Variants in SORL1 observed in about 807,000 individuals in gnomAD.
SORL1 encodes the protein sortilin related receptor 1, also known as sortilin-related receptor.
A neutral mutation model predicts 273.7 loss-of-function variants in SORL1; 127 were observed. The ratio of observed to expected loss-of-function variants is 0.46; its 90% CI spans 0.40 to 0.54. The LOEUF (loss-of-function observed/expected upper bound fraction) is 0.54, where lower values mean the gene tolerates loss of function less well. Among genes scored for constraint, SORL1 ranks in the 20% least tolerant of loss-of-function variants. The pLI is 0.00. For synonymous variants in SORL1, 1,031 were observed against 1,067.4 expected (o/e 0.97, Z 0.66); for missense variants, 2,494 against 2,846.1 (o/e 0.88, Z 2.81).
At chr11:121,616,858 G>T (rs570821350) in intron 41 of SORL1, among the ~76,000 whole-genome samples, 1 of 152,226 alleles carries the variant, frequency 6.6e-6, no homozygotes, top group South Asian at 2.1e-4. Flanking sequence ...CAAGGTGGCC[G>T]GGATGCAGCT....
rs552422106 is a variant in SORL1, at chr11:121,525,115, A to AT, written c.1596+2127dup. Among the ~76,000 whole-genome samples, 37 of 152,244 alleles carry AT rather than the reference A, an allele frequency of 2.4e-4. No homozygotes were observed. In the East Asian group the frequency reaches 6.7e-3, roughly 28 times the overall value. On this transcript the variant is annotated intron_variant, in intron 11 of 47. Coordinates refer to ENST00000260197, the MANE Select transcript of SORL1 (RefSeq NM_003105.6). Reference sequence around the variant, plus strand: ...GTATCTTTGTGCCCCTCGGTAATCCATCCCACTCTCCAGTCTTGTCCTTGT... The same window carrying AT: ...GTATCTTTGTGCCCCTCGGTAATCCATTCCCACTCTCCAGTCTTGTCCTTGT...
intron 2 of SORL1, among the ~76,000 whole-genome samples, chr11:121,471,620 A>G (rs894978907): frequency 6.6e-6 from 1 of 152,210 alleles, no homozygotes; most frequent in African/African-American, 2.4e-5. Context: ...CACTAGCCTT[A>G]AGGATACATT....
At chr11:121,578,362 T>C (rs748500468) in intron 25 of SORL1, among the ~76,000 whole-genome samples, 3 of 152,248 alleles carry the variant, frequency 2.0e-5, no homozygotes, top group Admixed American at 2.0e-4. Context: ...TATTGGACTT[T>C]TAAATCTCAT....
chr11:121,606,132 AG>A (rs556764758), intron 35 of SORL1, among the ~76,000 whole-genome samples: 17 of 152,284 alleles, frequency 1.1e-4, no homozygotes, highest in Admixed American at 3.3e-4. Context: ...CGTGTTACCT[AG>A]GCTGGTCTTG....
At chr11:121,518,760 C>T (rs1420268126) in intron 8 of SORL1, among the ~76,000 whole-genome samples, 7 of 152,122 alleles carry the variant, frequency 4.6e-5, no homozygotes, top group Admixed American at 4.6e-4. Context: ...TTTGGTGGGG[C>T]TCCTAGTGTT....
chr11:121,526,838 T>C (rs1004087625), intron 11 of SORL1, among the ~76,000 whole-genome samples: 1 of 152,140 alleles, frequency 6.6e-6, no homozygotes, highest in African/African-American at 2.4e-5. Flanking sequence ...GGTTTTTAGA[T>C]TCTATGTAAG....
At position 121,550,468 on chromosome 11, in the gene SORL1, A is replaced by G. The variant is rs1345596400; in HGVS notation, c.2181-117A>G. ...ACGAACATCCTCTTTCTAGTTCTAA[A>G]GAGAAATGAGTGGATGGACTCTACT... is the stretch of plus-strand genomic sequence containing the variant. On this transcript the variant is annotated intron_variant, in intron 15 of 47. Coordinates refer to ENST00000260197, the MANE Select transcript of SORL1 (RefSeq NM_003105.6). The surrounding 1 kb of genome is among the most constrained non-coding windows in gnomAD (Gnocchi z 5.3). 2 of 854,322 alleles carry G rather than the reference A, an allele frequency of 2.3e-6. No homozygotes were observed. Among genetic ancestry groups the G allele is most frequent in the African/African-American group, 1.7e-5 (1 of 60,034 alleles). 52.9% of individuals were successfully genotyped at this position (854,322 alleles called of 1,614,324 possible). A position where few individuals can be genotyped will look rare whatever the true frequency, so the allele number is the denominator to read the frequency against.
At chr11:121,499,706 C>T (rs1861684625) in intron 6 of SORL1, among the ~76,000 whole-genome samples, 1 of 152,190 alleles carries the variant, frequency 6.6e-6, no homozygotes, top group Non-Finnish European at 1.5e-5. Flanking sequence ...ATAATCCCCT[C>T]CCAGTAAGAG....
At chr11:121,574,130 C>T in intron 23 of SORL1, 111 bp from the exon 24 acceptor site, 1 of 1,072,646 alleles carries the variant, frequency 9.3e-7, no homozygotes. Flanking sequence ...TCTGTTGCTA[C>T]AATTAATACC....
chr11:121,627,824 A>G lies in SORL1; in HGVS notation c.6577+57A>G, dbSNP rs1210986254. 1.5e-5 allele frequency: 20 copies of G among 1,294,912 alleles called. No homozygotes were observed. Among genetic ancestry groups the G allele is most frequent in the Non-Finnish European group, 2.2e-5 (20 of 918,052 alleles). The allele number at this position is 1,294,912 out of a possible 1,614,324, so 80.2% of individuals were successfully genotyped here. ...CCCAGGGCTGACCCCCACGCAGCCA[A>G]TGACTTGATTAGGAAACACCCACCT... On this transcript the variant is annotated intron_variant, in intron 47 of 47. Coordinates refer to ENST00000260197, the MANE Select transcript of SORL1 (RefSeq NM_003105.6). This position sits in a 1 kb window ranked among gnomAD's most constrained non-coding sequence, Gnocchi z 4.9.
intron 31 of SORL1, among the ~76,000 whole-genome samples, chr11:121,593,029 T>G (rs1336755014): frequency 2.6e-5 from 4 of 152,222 alleles, no homozygotes; most frequent in Non-Finnish European, 5.9e-5. Context: ...AGTGTAGAAG[T>G]CTTCTAACTG....
At chr11:121,480,966 A>G (rs112317614) in intron 3 of SORL1, among the ~76,000 whole-genome samples, 95 of 47,002 alleles carry the variant, frequency 2.0e-3, no homozygotes, top group South Asian at 3.0e-3. Context: ...CCTATAGGCA[A>G]GCTCCATCTC....
chr11:121,597,384 A>G (rs906628477), intron 32 of SORL1, among the ~76,000 whole-genome samples: 15 of 151,602 alleles, frequency 9.9e-5, no homozygotes, highest in African/African-American at 4.8e-5. Flanking sequence ...TGGCAATACA[A>G]ATTCTTTGTG....
Position 121,570,255 on chromosome 11 carries a change from G to A in SORL1, c.3322G>A (p.Asp1108Asn), listed in dbSNP as rs1298299676. ...DFDNDCGDMS[D>N]ERNCPTTICD... The stretch of plus-strand genomic sequence containing the variant: ...TGACAACGACTGTGGAGACATGAGC[G>A]ATGAGAGAAACTGCCGTGAGTCTTC... Residue 1108 changes from aspartate to asparagine, a missense_variant, in exon 23 of 48, where the codon GAT becomes AAT. Around this residue, in one of 3 missense-constraint regions of SORL1, gnomAD observed 1,609 missense variants for 1,816.4 expected, o/e 0.89. Coordinates refer to ENST00000260197, the MANE Select transcript of SORL1 (RefSeq NM_003105.6). 15 of 1,612,280 alleles carry A rather than the reference G, an allele frequency of 9.3e-6. No individual in the cohort carries two copies. Among genetic ancestry groups the A allele is most frequent in the Non-Finnish European group, 1.2e-5 (14 of 1,178,542 alleles).
intron 30 of SORL1, 102 bp downstream of exon 30, chr11:121,590,276 G>T: frequency 1.6e-6 from 2 of 1,278,074 alleles, no homozygotes; most frequent in Non-Finnish European, 1.1e-6. Context: ...TGTTTTGGGG[G>T]GCATATTTTT....
chr11:121,488,047 G>T lies in SORL1; in HGVS notation c.544G>T (p.Ala182Ser). 1 of 1,614,106 alleles carries T rather than the reference G, an allele frequency of 6.2e-7. No homozygotes were observed. Among genetic ancestry groups the T allele is most frequent in the Non-Finnish European group, 8.5e-7 (1 of 1,180,012 alleles). ...TCCCTTGCAGTACATCTTTGCAGAC[G>T]CTTATGCCCAGTACCTCTGGATCAC... ...ADNKRYIFAD[A>S]YAQYLWITFD... Residue 182 changes from alanine (A) to serine (S), a missense_variant, in exon 4 of 48, where the codon GCT becomes TCT. Physicochemically the swap from Ala to Ser is moderately conservative, Grantham distance 99 (BLOSUM62 1). Around this residue, in one of 3 missense-constraint regions of SORL1, gnomAD observed 710 missense variants for 882.5 expected, o/e 0.80. Coordinates refer to ENST00000260197, the MANE Select transcript of SORL1 (RefSeq NM_003105.6).
intron 9 of SORL1, among the ~76,000 whole-genome samples, chr11:121,522,252 G>A (rs1171237421): frequency 6.6e-6 from 1 of 152,182 alleles, no homozygotes; most frequent in African/African-American, 2.4e-5. Flanking sequence ...CTTTAGTTCT[G>A]AGTCACTTGA....
At chr11:121,622,018 T>C in intron 44 of SORL1, 144 bp from the exon 45 acceptor site, 1 of 589,140 alleles carries the variant, frequency 1.7e-6, no homozygotes, top group South Asian at 2.1e-5. Context: ...TGCTAGGTTC[T>C]GTACTCAGCA....
chr11:121,506,142 A>G (rs1263033252), intron 6 of SORL1, among the ~76,000 whole-genome samples: 5 of 152,080 alleles, frequency 3.3e-5, no homozygotes, highest in East Asian at 1.9e-4. Context: ...TTAGGTGCAT[A>G]TATGTTTATG....
Sources: allele counts gnomAD v4.1 joint callset (sites outside exome capture counted in the v4.1 genomes callset), GRCh38; gene constraint gnomAD v4.1.1; regional missense constraint gnomAD v4.1.1; non-coding constraint Gnocchi (gnomAD v3.1); transcripts MANE v1.5; gene names NCBI Gene and HGNC (gene_info 2026-07-23, HGNC 2026-07-21).